RXRA: variants seen among roughly 807,000 people sequenced by gnomAD.
The protein encoded by RXRA is retinoid X receptor alpha.
A neutral mutation model predicts 44.5 loss-of-function variants in RXRA; 5 were observed. The ratio of observed to expected loss-of-function variants is 0.11; its 90% CI spans 0.06 to 0.24. RXRA has a LOEUF of 0.24. RXRA is among the 10% of genes least tolerant of loss of function. RXRA has a pLI of 1.00. For missense variants in RXRA, 412 were observed against 646.5 expected (o/e 0.64, Z 3.93); for synonymous variants, 291 against 271.4 (o/e 1.07, Z -0.71).
chr9:134,383,502 C>G (rs561251737), intron 1 of RXRA, among the ~76,000 whole-genome samples: 12 of 152,264 alleles, frequency 7.9e-5, no homozygotes, highest in African/African-American at 2.6e-4. Context: ...TTCCGAGTCT[C>G]ATGAGACCGC....
At position 134,366,882 on chromosome 9, in the gene RXRA, G is replaced by C. The variant is rs1468338801; in HGVS notation, c.29-34750G>C. ...ATCCCAGTCGGAACGTGGTGGAAAG[G>C]CGCCAGGCAGGCTGAGTCGGAGATG... On this transcript the variant is annotated intron_variant, in intron 1 of 9. Transcript: ENST00000481739. This position sits in a 1 kb window ranked among gnomAD's most constrained non-coding sequence, Gnocchi z 5.9. Among the ~76,000 whole-genome samples, 1 of 152,156 alleles carries C rather than the reference G, an allele frequency of 6.6e-6. No homozygotes were observed. Among genetic ancestry groups the C allele is most frequent in the East Asian group, 1.9e-4 (1 of 5,184 alleles).
At chr9:134,350,678 G>A (rs907272833) in intron 1 of RXRA, among the ~76,000 whole-genome samples, 11 of 152,228 alleles carry the variant, frequency 7.2e-5, no homozygotes, top group African/African-American at 2.2e-4. Flanking sequence ...CCTTCCCCAC[G>A]GAGAAGCCAG....
chr9:134,404,112 C>T (rs1831009505), intron 2 of RXRA: 2 of 152,236 alleles, frequency 1.3e-5, no homozygotes, highest in South Asian at 4.1e-4. Context: ...AGGGATGTGC[C>T]CCCACTCCTA....
chr9:134,373,442 C>T (rs532966939), intron 1 of RXRA, among the ~76,000 whole-genome samples: 1 of 152,308 alleles, frequency 6.6e-6, no homozygotes, highest in African/African-American at 2.4e-5. Context: ...TTTTCCCAGG[C>T]CGTTGGCCCA....
intron 1 of RXRA, among the ~76,000 whole-genome samples, chr9:134,386,862 C>T (rs1055310334): frequency 2.6e-5 from 4 of 152,176 alleles, no homozygotes; most frequent in African/African-American, 9.7e-5. Flanking sequence ...TACCTTGAGG[C>T]TCTATGGAGG....
At chr9:134,378,081 G>A (rs1303308149) in intron 1 of RXRA, among the ~76,000 whole-genome samples, 4 of 152,238 alleles carry the variant, frequency 2.6e-5, no homozygotes, top group African/African-American at 4.8e-5. Flanking sequence ...CAGGTTTCAC[G>A]ATGACTGTGG....
At chr9:134,389,994 A>T (rs1390318372) in intron 1 of RXRA, among the ~76,000 whole-genome samples, 1 of 152,106 alleles carries the variant, frequency 6.6e-6, no homozygotes, top group Non-Finnish European at 1.5e-5. Context: ...CAGTACCCTG[A>T]TATGTGCCGA....
At chr9:134,374,607 G>T (rs567512982) in intron 1 of RXRA, among the ~76,000 whole-genome samples, 1 of 152,204 alleles carries the variant, frequency 6.6e-6, no homozygotes, top group Admixed American at 6.5e-5. Flanking sequence ...GTTGAGCCCC[G>T]AGCAAATGCC....
chr9:134,424,603 G>C (rs572067196), intron 6 of RXRA: 1 of 985,296 alleles, frequency 1.0e-6, no homozygotes, highest in East Asian at 1.1e-4. Flanking sequence ...TCTGTCTGCC[G>C]GGGCCAGCAG....
rs1831684170 is a variant in RXRA, at chr9:134,439,127, G to C, written c.*2513G>C. 6.6e-6 allele frequency: 1 copy of C among 152,226 alleles called. No homozygotes were observed. The highest frequency in any genetic ancestry group is 2.4e-5 in the African/African-American group (1 of 41,454). The allele number at this position is 152,226 out of a possible 1,614,324, so 9.4% of individuals were successfully genotyped here. ...ATTACCAATCCAGTTCAATTAAGGT[G>C]ATTTTTTGTAATTATTATTATTTTG... On this transcript the variant is annotated 3_prime_UTR_variant, in exon 10 of 10. Transcript: ENST00000481739.
Position 134,366,546 on chromosome 9 carries a change from C to T in RXRA, c.29-35086C>T, listed in dbSNP as rs1399312926. Among the ~76,000 whole-genome samples the T allele has an allele frequency of 6.6e-6, 1 of 152,156 alleles. No individual in the cohort carries two copies. Among genetic ancestry groups the T allele is most frequent in the Non-Finnish European group, 1.5e-5 (1 of 68,012 alleles). On this transcript the variant is annotated intron_variant, in intron 1 of 9. Transcript: ENST00000481739. This position sits in a 1 kb window ranked among gnomAD's most constrained non-coding sequence, Gnocchi z 5.9. ...CACCCCGTGCCATGGGCCTCCAGGT[C>T]CCCCGGGTGCTGGCCTGGGGACAGC...
At position 134,417,778 on chromosome 9, in the gene RXRA, G is replaced by A. The variant is rs534941616; in HGVS notation, c.780+451G>A. 1.4e-4 allele frequency among the ~76,000 whole-genome samples: 22 copies of A among 152,296 alleles called. No homozygotes were observed. The highest frequency in any genetic ancestry group is 2.4e-4 in the African/African-American group (10 of 41,566). ...TCCAGGGCTGGCTCTGCCAGCAGCCGTGTGGCCCTGGGCAGGTGCCCGGCA... is the reference window on the plus strand; with the variant it reads ...TCCAGGGCTGGCTCTGCCAGCAGCCATGTGGCCCTGGGCAGGTGCCCGGCA... On this transcript the variant is annotated intron_variant, in intron 5 of 9. Transcript: ENST00000481739. The surrounding 1 kb of genome is among the most constrained non-coding windows in gnomAD (Gnocchi z 6.1).
In RXRA at chr9:134,376,585, C is replaced by T. The variant is rs569581336; in HGVS notation, c.29-25047C>T. On this transcript the variant is annotated intron_variant, in intron 1 of 9. Coordinates refer to ENST00000481739, the MANE Select transcript of RXRA (RefSeq NM_002957.6). ...CAGGGCGACCTTTGTGTGTTGGAGC[C>T]TTGCCGCGTTCTCTGTCTATAGAAG... 7.8e-4 allele frequency among the ~76,000 whole-genome samples: 9 copies of T among 11,524 alleles called. No homozygotes were observed. The East Asian group carries it at 0.029, about 37-fold the overall frequency. 7.6% of individuals were successfully genotyped at this position (11,524 alleles called of 152,430 possible).
chr9:134,409,065 C>T lies in RXRA; in HGVS notation c.556C>T (p.Arg186Trp), dbSNP rs754348129. 1.9e-6 allele frequency: 3 copies of T among 1,611,212 alleles called. No individual in the cohort carries two copies. The highest frequency in any genetic ancestry group is 1.1e-5 in the South Asian group (1 of 90,800). The change falls in exon 4 of 10, where the codon CGG becomes TGG. Residue 186 changes from arginine to tryptophan, a missense_variant. By Grantham distance (101) the Arg-to-Trp change is moderately radical (BLOSUM62 -3). Coordinates refer to ENST00000481739, the MANE Select transcript of RXRA (RefSeq NM_002957.6). Reference sequence around the variant, plus strand: ...CCTGATTGACAAGCGGCAGCGGAACCGGTGCCAGTACTGCCGCTACCAGAA... The same window carrying T: ...CCTGATTGACAAGCGGCAGCGGAACTGGTGCCAGTACTGCCGCTACCAGAA... ...DCLIDKRQRN[R>W]CQYCRYQKCL... is the part of the protein sequence containing the mutation.
At chr9:134,332,389 C>T (rs1343273539) in intron 1 of RXRA, among the ~76,000 whole-genome samples, 2 of 152,198 alleles carry the variant, frequency 1.3e-5, no homozygotes, top group Non-Finnish European at 2.9e-5. Context: ...AGGCGTCCGC[C>T]GCAGCCTTCC....
At chr9:134,431,801 C>A in intron 7 of RXRA, 104 bp from the exon 8 acceptor site, 1 of 859,912 alleles carries the variant, frequency 1.2e-6, no homozygotes, top group Non-Finnish European at 1.8e-6. Context: ...CTCAGCGGCC[C>A]TCGGGCCACG....
chr9:134,414,360 C>T (rs573188774), intron 4 of RXRA, among the ~76,000 whole-genome samples: 15 of 152,338 alleles, frequency 9.8e-5, no homozygotes, highest in East Asian at 7.7e-4. Flanking sequence ...TCCCTGGCAC[C>T]GGGCCGGGCT....
chr9:134,419,701 A>C (rs1831297179), intron 5 of RXRA, among the ~76,000 whole-genome samples: 2 of 152,202 alleles, frequency 1.3e-5, no homozygotes, highest in African/African-American at 4.8e-5. Flanking sequence ...GGCACGTTGG[A>C]TCTCCAGGCG....
Position 134,407,527 on chromosome 9 carries a change from C to T in RXRA, c.280-622C>T, listed in dbSNP as rs750871989. On this transcript the variant is annotated intron_variant, in intron 2 of 9. Transcript: ENST00000481739. This position sits in a 1 kb window ranked among gnomAD's most constrained non-coding sequence, Gnocchi z 4.8. ...CCACGCTTGCCCGGGCGGCAGCGTG[C>T]GGGCCGGCGGGTGGGGCGGAGGGGT... is the stretch of plus-strand genomic sequence containing the variant. 9.9e-5 allele frequency among the ~76,000 whole-genome samples: 15 copies of T among 152,206 alleles called. No homozygotes were observed. Among genetic ancestry groups the T allele is most frequent in the Admixed American group, 1.3e-4 (2 of 15,288 alleles).
Sources: allele counts gnomAD v4.1 joint callset (sites outside exome capture counted in the v4.1 genomes callset), GRCh38; gene constraint gnomAD v4.1.1; non-coding constraint Gnocchi (gnomAD v3.1); transcripts MANE v1.5; gene names NCBI Gene and HGNC (gene_info 2026-07-23, HGNC 2026-07-21).